PTPRO: variants seen among roughly 807,000 people sequenced by gnomAD.
PTPRO encodes the protein protein tyrosine phosphatase receptor type O.
In PTPRO, 62 loss-of-function variants were observed where a neutral mutation model predicts 145.2. The ratio of observed to expected loss-of-function variants is 0.43; its 90% CI spans 0.35 to 0.53. The LOEUF (loss-of-function observed/expected upper bound fraction) is 0.53. Ranked by LOEUF, PTPRO falls within the 20% of genes least tolerant of loss-of-function variation. PTPRO has a pLI of 0.01. For missense variants in PTPRO, 1,345 were observed against 1,482.7 expected (o/e 0.91, Z 1.53); for synonymous variants, 565 against 514.7 (o/e 1.10, Z -1.32).
At chr12:15,555,984 A>C (rs951291894) in intron 15 of PTPRO, among the ~76,000 whole-genome samples, 5 of 152,344 alleles carry the variant, frequency 3.3e-5, no homozygotes, top group African/African-American at 1.2e-4. Flanking sequence ...CTATTATTAA[A>C]AAATATGTAA....
intron 1 of PTPRO, among the ~76,000 whole-genome samples, chr12:15,328,029 G>A (rs578040576): frequency 1.3e-5 from 2 of 151,770 alleles, no homozygotes; most frequent in East Asian, 1.9e-4. Context: ...CAGGAGAATC[G>A]CTTGAACCCA....
intron 1 of PTPRO, among the ~76,000 whole-genome samples, chr12:15,480,463 A>G (rs1941754837): frequency 6.6e-6 from 1 of 152,022 alleles, no homozygotes; most frequent in Admixed American, 6.6e-5. Context: ...GGCAGCTTGA[A>G]CCTTAGGACA....
intron 1 of PTPRO, among the ~76,000 whole-genome samples, chr12:15,462,381 C>T (rs988934713): frequency 6.6e-6 from 1 of 152,178 alleles, no homozygotes; most frequent in African/African-American, 2.4e-5. Context: ...CCGCCTCGGC[C>T]TCCCAAAGTG....
chr12:15,456,533 T>C (rs1941182482), intron 1 of PTPRO, among the ~76,000 whole-genome samples: 1 of 152,210 alleles, frequency 6.6e-6, no homozygotes. Flanking sequence ...AGTATTCTGC[T>C]TCCTAGATTC....
intron 1 of PTPRO, among the ~76,000 whole-genome samples, chr12:15,387,733 T>G (rs1939068697): frequency 6.6e-6 from 1 of 152,156 alleles, no homozygotes; most frequent in South Asian, 2.1e-4. Flanking sequence ...AAAAAACAAA[T>G]GAGTGCAAGT....
chr12:15,483,845 A>G, intron 1 of PTPRO, 129 bp from the exon 2 acceptor site: 1 of 983,628 alleles, frequency 1.0e-6, no homozygotes, highest in Non-Finnish European at 1.5e-6. Context: ...ATTTTAAGAA[A>G]TAAGGCTTAC....
At chr12:15,536,522 G>A (rs531009306) in intron 12 of PTPRO, among the ~76,000 whole-genome samples, 20 of 152,346 alleles carry the variant, frequency 1.3e-4, no homozygotes, top group African/African-American at 4.8e-4. Flanking sequence ...ATACAGGGCA[G>A]AGAGGTAGCA....
intron 8 of PTPRO, 128 bp from the exon 9 acceptor site, chr12:15,516,635 A>AAAGG: frequency 1.5e-6 from 1 of 684,424 alleles, no homozygotes; most frequent in Non-Finnish European, 2.5e-6. Context: ...GGAAGGAAGG[A>AAAGG]AGGGAGGGAG....
chr12:15,516,819 C>T lies in PTPRO; in HGVS notation c.1642C>T (p.Leu548=). The T allele has an allele frequency of 6.2e-7, 1 of 1,612,400 alleles. No homozygotes were observed. Among genetic ancestry groups the T allele is most frequent in the Non-Finnish European group, 8.5e-7 (1 of 1,178,390 alleles). ...LYPLGPTAVV[L]SWTRPYLGVF... ...TCCTTTGGGTCCTACGGCCGTGGTT[C>T]TGAGCTGGACCAGACCTTATTTAGG... The change falls in exon 9 of 27, where the codon CTG becomes TTG. Residue 548 remains leucine, a synonymous_variant. Transcript: ENST00000281171.
At chr12:15,374,538 G>T (rs1397897185) in intron 1 of PTPRO, among the ~76,000 whole-genome samples, 1 of 152,082 alleles carries the variant, frequency 6.6e-6, no homozygotes, top group African/African-American at 2.4e-5. Context: ...ACTGGAGGGG[G>T]CAGTCCAATT....
intron 1 of PTPRO, among the ~76,000 whole-genome samples, chr12:15,435,974 C>T (rs577434400): frequency 3.6e-4 from 55 of 152,280 alleles, no homozygotes; most frequent in African/African-American, 1.1e-3. Flanking sequence ...CTCGATCTAC[C>T]GTGTACCAAT....
chr12:15,409,284 G>A (rs935319389), intron 1 of PTPRO, among the ~76,000 whole-genome samples: 1 of 152,100 alleles, frequency 6.6e-6, no homozygotes, highest in African/African-American at 2.4e-5. Flanking sequence ...GAGGCTCAAA[G>A]GTATTGCCAG....
intron 1 of PTPRO, among the ~76,000 whole-genome samples, chr12:15,344,107 T>C (rs1018724271): frequency 7.9e-5 from 12 of 152,142 alleles, no homozygotes; most frequent in African/African-American, 2.9e-4. Context: ...AAGGCAAATA[T>C]AAAAACCGGC....
At chr12:15,532,009 A>G (rs1044883255) in intron 12 of PTPRO, among the ~76,000 whole-genome samples, 3 of 152,172 alleles carry the variant, frequency 2.0e-5, no homozygotes, top group Non-Finnish European at 4.4e-5. Context: ...GCAGTGATGT[A>G]CTTTTAGAAA....
At chr12:15,566,437 A>G (rs1030750066) in intron 18 of PTPRO, among the ~76,000 whole-genome samples, 4 of 152,178 alleles carry the variant, frequency 2.6e-5, no homozygotes, top group African/African-American at 4.8e-5. Flanking sequence ...GTTAGTCTTG[A>G]GTGGCATATA....
At chr12:15,513,942 C>T (rs1346813655) in intron 7 of PTPRO, among the ~76,000 whole-genome samples, 1 of 152,004 alleles carries the variant, frequency 6.6e-6, no homozygotes, top group East Asian at 1.9e-4. Context: ...GGATTTGATT[C>T]CAGGTAGTCC....
chr12:15,465,653 A>C (rs1330764528), intron 1 of PTPRO, among the ~76,000 whole-genome samples: 1 of 152,180 alleles, frequency 6.6e-6, no homozygotes, highest in Non-Finnish European at 1.5e-5. Context: ...TGGCACTTGA[A>C]TAGTGTCAGA....
At chr12:15,555,336 T>C (rs1056538841) in intron 15 of PTPRO, among the ~76,000 whole-genome samples, 1 of 152,146 alleles carries the variant, frequency 6.6e-6, no homozygotes, top group Non-Finnish European at 1.5e-5. Context: ...AGGCCCTGCA[T>C]TAATCACTGG....
In PTPRO at chr12:15,580,133, AT is replaced by A. The variant is rs1416836119; in HGVS notation, c.2997+19del. The A allele has an allele frequency of 6.3e-7, 1 of 1,589,452 alleles. No individual in the cohort carries two copies. Among genetic ancestry groups the A allele is most frequent in the Non-Finnish European group, 8.6e-7 (1 of 1,161,426 alleles). ...ATATTCCTGTAAGTAGAAAAAAAAA[AT>A]CAGGCATCCCAAAGCTAACCAGCCA... On this transcript the variant is annotated intron_variant, in intron 21 of 26. Coordinates refer to ENST00000281171, the MANE Select transcript of PTPRO (RefSeq NM_030667.3).
Sources: allele counts gnomAD v4.1 joint callset (sites outside exome capture counted in the v4.1 genomes callset), GRCh38; gene constraint gnomAD v4.1.1; transcripts MANE v1.5; gene names NCBI Gene and HGNC (gene_info 2026-07-23, HGNC 2026-07-21).